RASGRF1: variants seen among roughly 807,000 people sequenced by gnomAD.
RASGRF1 encodes the protein ras-specific guanine nucleotide-releasing factor 1.
Under a neutral mutation model 138.7 loss-of-function variants are expected in RASGRF1, and 40 were observed. The ratio of observed to expected loss-of-function variants is 0.29; its 90% CI spans 0.22 to 0.38. RASGRF1 has a LOEUF of 0.38. Ranked by LOEUF, RASGRF1 falls within the 10% of genes least tolerant of loss-of-function variation. RASGRF1 has a pLI of 1.00. For synonymous variants in RASGRF1, 614 were observed against 663.2 expected (o/e 0.93, Z 1.14); for missense variants, 1,108 against 1,650.4 (o/e 0.67, Z 5.69).
intron 12 of RASGRF1, among the ~76,000 whole-genome samples, chr15:79,017,076 C>A (rs1315134924): frequency 6.6e-6 from 1 of 152,200 alleles, no homozygotes; most frequent in Admixed American, 6.5e-5. Context: ...GCCTAAACCC[C>A]GGTGCTGCTG....
At chr15:78,974,972 C>T (rs755153352) in intron 24 of RASGRF1, among the ~76,000 whole-genome samples, 2 of 152,166 alleles carry the variant, frequency 1.3e-5, no homozygotes, top group Non-Finnish European at 2.9e-5. Context: ...ATGGCAAAGT[C>T]GTGAAGGAGG....
chr15:79,020,216 C>T, intron 10 of RASGRF1, 112 bp from the exon 11 acceptor site: 2 of 980,250 alleles, frequency 2.0e-6, no homozygotes, highest in South Asian at 1.4e-5. Context: ...CATGTATACA[C>T]ACAGATGTAT....
chr15:78,995,071 G>A (rs531183750), intron 20 of RASGRF1, among the ~76,000 whole-genome samples: 1 of 152,050 alleles, frequency 6.6e-6, no homozygotes, highest in Non-Finnish European at 1.5e-5. Flanking sequence ...GGGATCACAG[G>A]CATGCGCCAC....
At chr15:79,079,767 G>A (rs770634873) in intron 1 of RASGRF1, among the ~76,000 whole-genome samples, 1 of 152,148 alleles carries the variant, frequency 6.6e-6, no homozygotes, top group Non-Finnish European at 1.5e-5. Flanking sequence ...CTTGAATGTT[G>A]AGCTATGGAC....
Position 79,055,933 on chromosome 15 carries a change from C to T in RASGRF1, c.531+2401G>A, listed in dbSNP as rs72732664. 9.3e-3 allele frequency among the ~76,000 whole-genome samples: 1,419 copies of T among 152,240 alleles called. 13 individuals carry two copies. The highest frequency in any genetic ancestry group is 0.013 in the Non-Finnish European group (858 of 68,018). Reference sequence around the variant, plus strand: ...CCAGGCCAAAAGAAGGAGTGATAAGCGACACAGCCCGTCCTTATGGAGTTC... The same window carrying T: ...CCAGGCCAAAAGAAGGAGTGATAAGTGACACAGCCCGTCCTTATGGAGTTC... On this transcript the variant is annotated intron_variant, in intron 3 of 26. Coordinates refer to ENST00000558480, the MANE Select transcript of RASGRF1 (RefSeq NM_001145648.3).
intron 1 of RASGRF1, among the ~76,000 whole-genome samples, chr15:79,065,702 C>T (rs1339068923): frequency 6.6e-6 from 1 of 151,908 alleles, no homozygotes; most frequent in Non-Finnish European, 1.5e-5. Flanking sequence ...AAGAGGGGCC[C>T]TTAGGTCTGC....
At chr15:78,980,112 A>C (rs1348536916) in intron 24 of RASGRF1, 1 of 152,546 alleles carries the variant, frequency 6.6e-6, no homozygotes, top group Non-Finnish European at 1.5e-5. Flanking sequence ...CGTTAAGCGC[A>C]CAATGTCTAG....
intron 5 of RASGRF1, among the ~76,000 whole-genome samples, chr15:79,045,445 G>A (rs1471595840): frequency 2.0e-5 from 3 of 152,202 alleles, no homozygotes; most frequent in Non-Finnish European, 4.4e-5. Context: ...ATGCATAAAA[G>A]CATTTATTGA....
chr15:79,018,499 T>A (rs569672160), intron 11 of RASGRF1, among the ~76,000 whole-genome samples: 1 of 152,256 alleles, frequency 6.6e-6, no homozygotes, highest in Admixed American at 6.5e-5. Flanking sequence ...TTCTTTTCAA[T>A]GCACTCACAT....
chr15:79,053,037 C>T (rs760381763), intron 3 of RASGRF1, among the ~76,000 whole-genome samples: 5 of 152,120 alleles, frequency 3.3e-5, no homozygotes, highest in South Asian at 2.1e-4. Flanking sequence ...GAGGCTGAGG[C>T]AGGTGATCAC....
intron 5 of RASGRF1, among the ~76,000 whole-genome samples, chr15:79,039,925 A>G (rs1269173273): frequency 6.6e-6 from 1 of 152,002 alleles, no homozygotes; most frequent in African/African-American, 2.4e-5. Context: ...GTGTACCACC[A>G]TGACATTCTA....
chr15:78,997,636 T>G (rs1170993616), intron 19 of RASGRF1, among the ~76,000 whole-genome samples: 2 of 147,728 alleles, frequency 1.4e-5, no homozygotes, highest in African/African-American at 2.5e-5. Flanking sequence ...CTGGGGAGGC[T>G]GAGGCAGGAG....
rs566519464 is a variant in RASGRF1, at chr15:79,073,722, T to A, written c.277-9196A>T. On this transcript the variant is annotated intron_variant, in intron 1 of 26. Coordinates refer to ENST00000558480, the MANE Select transcript of RASGRF1 (RefSeq NM_001145648.3). This position sits in a 1 kb window ranked among gnomAD's most constrained non-coding sequence, Gnocchi z 4.2. ...TCCACCTCTTCTCAGTTACGTGTGC[T>A]GGGAATGCTGCCTGTACTGTGGTTC... Among the ~76,000 whole-genome samples, 2 of 152,316 alleles carry A rather than the reference T, an allele frequency of 1.3e-5. No individual in the cohort carries two copies. The highest frequency in any genetic ancestry group is 1.3e-4 in the Admixed American group (2 of 15,298).
At chr15:79,053,615 T>C (rs2057462843) in intron 3 of RASGRF1, among the ~76,000 whole-genome samples, 1 of 152,234 alleles carries the variant, frequency 6.6e-6, no homozygotes, top group Non-Finnish European at 1.5e-5. Flanking sequence ...TAGGATTGTT[T>C]AGAAGGGAGA....
intron 20 of RASGRF1, among the ~76,000 whole-genome samples, chr15:78,994,012 A>C (rs1054684397): frequency 6.6e-6 from 1 of 152,122 alleles, no homozygotes; most frequent in Non-Finnish European, 1.5e-5. Context: ...GGGACAAGAG[A>C]GGGCAGCTCA....
Position 79,089,365 on chromosome 15 carries a change from C to T in RASGRF1, c.276+858G>A, listed in dbSNP as rs28450095. ...TAAAGGTGGCTCTCTCTGCAGGTGC[C>T]CCTCCTCCCTTCACGCCAGAGGCTC... On this transcript the variant is annotated intron_variant, in intron 1 of 26. Transcript: ENST00000558480. 6.4e-3 allele frequency among the ~76,000 whole-genome samples: 982 copies of T among 152,348 alleles called. 14 individuals carry two copies. The highest frequency in any genetic ancestry group is 0.022 in the African/African-American group (932 of 41,576).
At chr15:79,005,585 C>T in intron 14 of RASGRF1, 1 of 986,470 alleles carries the variant, frequency 1.0e-6, no homozygotes, top group South Asian at 4.7e-5. Context: ...CCTTCATTGC[C>T]CCATGACTTT....
At chr15:79,015,988 T>C (rs2056873582) in intron 12 of RASGRF1, among the ~76,000 whole-genome samples, 2 of 152,146 alleles carry the variant, frequency 1.3e-5, no homozygotes, top group Admixed American at 6.5e-5. Context: ...GCACAGATGA[T>C]TGTACATTTC....
In RASGRF1 at chr15:79,075,200, G is replaced by C. The variant is rs972069785; in HGVS notation, c.277-10674C>G. Among the ~76,000 whole-genome samples the C allele has an allele frequency of 2.6e-5, 4 of 152,220 alleles. 1 individual carries two copies. The highest frequency in any genetic ancestry group is 2.0e-4 in the Admixed American group (3 of 15,284). On this transcript the variant is annotated intron_variant, in intron 1 of 26. Coordinates refer to ENST00000558480, the MANE Select transcript of RASGRF1 (RefSeq NM_001145648.3). ...TTTGCCTGGGGCTTCAGTAGGAAAA[G>C]AGGGATTGATCCACAAACTATACCT...
Sources: allele counts gnomAD v4.1 joint callset (sites outside exome capture counted in the v4.1 genomes callset), GRCh38; gene constraint gnomAD v4.1.1; non-coding constraint Gnocchi (gnomAD v3.1); transcripts MANE v1.5; gene names NCBI Gene and HGNC (gene_info 2026-07-23, HGNC 2026-07-21).